The following FRK variants were observed in gnomAD, a reference collection of about 807,000 sequenced individuals.
FRK encodes fyn related Src family tyrosine kinase.
Under a neutral mutation model 56.4 loss-of-function variants are expected in FRK, and 51 were observed. The ratio of observed to expected loss-of-function variants is 0.90; its 90% CI spans 0.72 to 1.14. The LOEUF is 1.14. Among genes scored for constraint, FRK ranks in the 50% most tolerant of loss-of-function variants. The pLI is 0.00. For synonymous variants in FRK, 245 were observed against 217.9 expected (o/e 1.12, Z -1.10); for missense variants, 570 against 601.4 (o/e 0.95, Z 0.55).
At chr6:116,038,752 C>T (rs1582743337) in intron 1 of FRK, 4 of 483,782 alleles carry the variant, frequency 8.3e-6, no homozygotes, top group Admixed American at 2.4e-5. Flanking sequence ...TCAGCTCCAG[C>T]GCCATGGCGA....
intron 1 of FRK, among the ~76,000 whole-genome samples, chr6:116,042,202 C>T (rs1660682982): frequency 6.6e-6 from 1 of 152,162 alleles, no homozygotes; most frequent in African/African-American, 2.4e-5. Flanking sequence ...CTGTAGCTTC[C>T]TCCTCTCTGG....
In FRK at chr6:115,937,109, C is replaced by A. The variant is rs1422723462; in HGVS notation, c.*5305G>T. On this transcript the variant is annotated 3_prime_UTR_variant, in exon 8 of 8. Coordinates refer to ENST00000606080, the MANE Select transcript of FRK (RefSeq NM_002031.3). The stretch of plus-strand genomic sequence containing the variant: ...AGGTTAGCCACAAAGGGAAGCCCAT[C>A]AGACTAACAGAGGATCTCTCTGCAG... 6.6e-6 allele frequency: 1 copy of A among 152,204 alleles called. No individual in the cohort carries two copies. The highest frequency in any genetic ancestry group is 1.9e-4 in the East Asian group (1 of 5,200). The allele number at this position is 152,204 out of a possible 1,614,324, so 9.4% of individuals were successfully genotyped here.
chr6:116,093,268 G>A, the FRK span, among the ~76,000 whole-genome samples: 157 of 151,128 alleles, frequency 1.0e-3, no homozygotes, highest in African/African-American at 3.6e-3. Context: ...AAACCCCCGG[G>A]CTATCAGTTA....
intron 5 of FRK, among the ~76,000 whole-genome samples, chr6:115,952,969 G>A (rs1401554449): frequency 1.3e-5 from 2 of 151,070 alleles, no homozygotes; most frequent in South Asian, 4.2e-4. Flanking sequence ...TATACCTAAC[G>A]CTAAATGACG....
chr6:116,091,876 G>C, the FRK span, among the ~76,000 whole-genome samples: 1 of 152,040 alleles, frequency 6.6e-6, no homozygotes. Flanking sequence ...TCAGCTCTGG[G>C]GTCCAGACAA....
intron 1 of FRK, among the ~76,000 whole-genome samples, chr6:116,029,832 CATCT>C (rs1776234601): frequency 6.6e-6 from 1 of 152,108 alleles, no homozygotes; most frequent in African/African-American, 2.4e-5. Flanking sequence ...CATTCATCAT[CATCT>C]ATCTAAAAAT....
At chr6:116,081,968 A>C in the FRK span, among the ~76,000 whole-genome samples, 8 of 152,186 alleles carry the variant, frequency 5.3e-5, no homozygotes, top group Non-Finnish European at 7.3e-5. Context: ...CTCTATTAGA[A>C]GATGGTTAAG....
chr6:115,971,643 G>A (rs1342719501), intron 2 of FRK, among the ~76,000 whole-genome samples: 1 of 152,106 alleles, frequency 6.6e-6, no homozygotes, highest in African/African-American at 2.4e-5. Context: ...CCACTTTTAG[G>A]TATTAGACAG....
intron 1 of FRK, among the ~76,000 whole-genome samples, chr6:116,004,357 C>A (rs188125757): frequency 1.3e-5 from 2 of 152,080 alleles, no homozygotes; most frequent in South Asian, 2.1e-4. Context: ...AATGACTCAT[C>A]ATCTCCATCC....
At chr6:116,000,276 T>A (rs1775013609) in intron 2 of FRK, among the ~76,000 whole-genome samples, 1 of 121,284 alleles carries the variant, frequency 8.2e-6, no homozygotes, top group Non-Finnish European at 1.7e-5. Context: ...GGAGTCTCGC[T>A]CTGTCACCCA....
At chr6:115,998,734 C>G (rs989735270) in intron 2 of FRK, among the ~76,000 whole-genome samples, 6 of 152,234 alleles carry the variant, frequency 3.9e-5, no homozygotes, top group African/African-American at 1.2e-4. Context: ...TACTAGAGGG[C>G]CTGGCACACA....
chr6:116,061,848 A>G (rs1221776173), upstream of FRK, among the ~76,000 whole-genome samples: 1 of 152,170 alleles, frequency 6.6e-6, no homozygotes, highest in Non-Finnish European at 1.5e-5. Flanking sequence ...GAACCTGGCT[A>G]ACCTATTCCT....
chr6:115,979,053 C>CAAA (rs111820717), intron 2 of FRK, among the ~76,000 whole-genome samples: 1 of 116,290 alleles, frequency 8.6e-6, no homozygotes, highest in East Asian at 2.4e-4. Context: ...GACTCTGTCT[C>CAAA]AAAAAAAAAA....
At chr6:116,024,950 T>C (rs555970951) in intron 1 of FRK, among the ~76,000 whole-genome samples, 160 of 152,276 alleles carry the variant, frequency 1.1e-3, no homozygotes, top group African/African-American at 3.8e-3. Context: ...TTTTTAATGA[T>C]TGCCATTCTA....
intron 1 of FRK, chr6:116,039,603 C>G (rs77427140): frequency 0.047 from 36,447 of 776,664 alleles, 2,000 homozygotes; most frequent in Admixed American, 0.2. Context: ...CATCTGCCCC[C>G]TCTTGCGGCC....
At position 116,031,307 on chromosome 6, in the gene FRK, G is replaced by C. The variant is rs539366058; in HGVS notation, c.345-27309C>G. Among the ~76,000 whole-genome samples the C allele has an allele frequency of 5.3e-5, 8 of 152,046 alleles. No individual in the cohort carries two copies. In the South Asian group the frequency reaches 1.7e-3, roughly 32 times the overall value. On this transcript the variant is annotated intron_variant, in intron 1 of 7. Coordinates refer to ENST00000606080, the MANE Select transcript of FRK (RefSeq NM_002031.3). ...GAAAACATAAGCACATGAAAACTAA[G>C]ATATTTTACTTTTGTATAATAAATT...
Position 115,959,455 on chromosome 6 carries a change from C to A in FRK, c.800-2845G>T, listed in dbSNP as rs368216636. Reference sequence around the variant, plus strand: ...TAGATTGGACAATAAAGTTCAGCCACCATTTATTAACAAGATTAGGGTTTA... The same window carrying A: ...TAGATTGGACAATAAAGTTCAGCCAACATTTATTAACAAGATTAGGGTTTA... On this transcript the variant is annotated intron_variant, in intron 4 of 7. Transcript: ENST00000606080. Among the ~76,000 whole-genome samples the A allele has an allele frequency of 4.6e-5, 7 of 152,204 alleles. No individual in the cohort carries two copies. The South Asian group carries it at 1.5e-3, about 32-fold the overall frequency.
chr6:115,975,252 T>A (rs1415049484), intron 2 of FRK, among the ~76,000 whole-genome samples: 45 of 152,068 alleles, frequency 3.0e-4, no homozygotes, highest in Admixed American at 2.9e-3. Flanking sequence ...TTTTTTTTCA[T>A]CTCTTACTGG....
At chr6:116,078,400 G>A in the FRK span, among the ~76,000 whole-genome samples, 2 of 152,080 alleles carry the variant, frequency 1.3e-5, no homozygotes, top group African/African-American at 4.8e-5. Context: ...AGTCTAACTA[G>A]CCTAGTGTCC....
Sources: allele counts gnomAD v4.1 joint callset (sites outside exome capture counted in the v4.1 genomes callset), GRCh38; gene constraint gnomAD v4.1.1; transcripts MANE v1.5; gene names NCBI Gene and HGNC (gene_info 2026-07-23, HGNC 2026-07-21).